The following SCHIP1 variants were observed in gnomAD, a reference collection of about 807,000 sequenced individuals.
The protein encoded by SCHIP1 is schwannomin interacting protein 1, also known as schwannomin-interacting protein 1.
Under a neutral mutation model 29.7 loss-of-function variants are expected in SCHIP1, and 8 were observed. The ratio of observed to expected loss-of-function variants is 0.27; its 90% CI spans 0.16 to 0.49. The LOEUF is 0.49. SCHIP1 is among the 20% of genes least tolerant of loss of function. The pLI is 0.99. For missense variants in SCHIP1, 193 were observed against 294.6 expected (o/e 0.66, Z 2.52); for synonymous variants, 76 against 94.9 (o/e 0.80, Z 1.16).
At chr3:159,809,456 A>C in the SCHIP1 span, among the ~76,000 whole-genome samples, 1 of 152,226 alleles carries the variant, frequency 6.6e-6, no homozygotes, top group Admixed American at 6.5e-5. Context: ...ATACATGTGC[A>C]TTTATAGTAG....
the SCHIP1 span, among the ~76,000 whole-genome samples, chr3:159,618,001 A>G: frequency 1.3e-5 from 2 of 151,854 alleles, no homozygotes; most frequent in African/African-American, 2.4e-5. Flanking sequence ...TGAAAAACAG[A>G]AAAAAAAATT....
the SCHIP1 span, among the ~76,000 whole-genome samples, chr3:159,415,640 T>C: frequency 6.6e-6 from 1 of 152,236 alleles, no homozygotes; most frequent in African/African-American, 2.4e-5. Flanking sequence ...TTTTTATGGC[T>C]GTGTAGTATT....
the SCHIP1 span, among the ~76,000 whole-genome samples, chr3:159,355,454 T>C: frequency 2.0e-5 from 3 of 152,132 alleles, no homozygotes; most frequent in Admixed American, 6.6e-5. Flanking sequence ...TGAGGACATT[T>C]ATCTAAATAT....
At chr3:159,820,056 T>C in the SCHIP1 span, among the ~76,000 whole-genome samples, 1 of 152,188 alleles carries the variant, frequency 6.6e-6, no homozygotes, top group Non-Finnish European at 1.5e-5. Context: ...TGGCAGTTTT[T>C]TGGGGGGATC....
chr3:159,382,676 C>G, the SCHIP1 span, among the ~76,000 whole-genome samples: 1 of 150,684 alleles, frequency 6.6e-6, no homozygotes, highest in South Asian at 2.1e-4. Context: ...CCTGAGGAAT[C>G]GCCACACTGA....
the SCHIP1 span, among the ~76,000 whole-genome samples, chr3:159,411,404 T>C: frequency 6.6e-6 from 1 of 152,244 alleles, no homozygotes; most frequent in South Asian, 2.1e-4. Flanking sequence ...TCCATAAATA[T>C]GTATACCTAC....
the SCHIP1 span, among the ~76,000 whole-genome samples, chr3:159,366,804 C>T: frequency 6.6e-6 from 1 of 152,148 alleles, no homozygotes. Context: ...GGGACAGCAA[C>T]ATTTCAAAAG....
At chr3:159,728,493 G>C in the SCHIP1 span, among the ~76,000 whole-genome samples, 2 of 152,182 alleles carry the variant, frequency 1.3e-5, no homozygotes, top group African/African-American at 4.8e-5. Flanking sequence ...CCATGCCTAA[G>C]TAATGTCTTA....
the SCHIP1 span, among the ~76,000 whole-genome samples, chr3:159,651,956 C>A: frequency 6.6e-6 from 1 of 152,050 alleles, no homozygotes; most frequent in Non-Finnish European, 1.5e-5. Flanking sequence ...ATTAGCCGGG[C>A]ATGGTGGCAC....
At chr3:159,453,409 A>G in the SCHIP1 span, among the ~76,000 whole-genome samples, 5 of 152,168 alleles carry the variant, frequency 3.3e-5, no homozygotes, top group Admixed American at 1.3e-4. Context: ...GTTAAAAACC[A>G]TCACCATCGG....
the SCHIP1 span, among the ~76,000 whole-genome samples, chr3:159,495,871 A>G: frequency 6.6e-6 from 1 of 152,230 alleles, no homozygotes; most frequent in African/African-American, 2.4e-5. Context: ...AGGCTACAGT[A>G]ACCAAACCAG....
chr3:159,335,407 A>G, the SCHIP1 span, among the ~76,000 whole-genome samples: 3 of 152,016 alleles, frequency 2.0e-5, no homozygotes, highest in African/African-American at 7.3e-5. Context: ...TTAGTTACAT[A>G]TGTATACATG....
At chr3:159,286,916 G>T in the SCHIP1 span, among the ~76,000 whole-genome samples, 13 of 152,160 alleles carry the variant, frequency 8.5e-5, no homozygotes, top group African/African-American at 3.1e-4. Context: ...TTTTAATGGG[G>T]TTGTTTTCTG....
At chr3:159,508,461 A>G in the SCHIP1 span, among the ~76,000 whole-genome samples, 2 of 151,900 alleles carry the variant, frequency 1.3e-5, no homozygotes, top group East Asian at 1.9e-4. Flanking sequence ...TGGTGTCTCT[A>G]TTTCCTTCAG....
chr3:159,332,359 C>T, the SCHIP1 span, among the ~76,000 whole-genome samples: 8 of 152,142 alleles, frequency 5.3e-5, no homozygotes, highest in African/African-American at 1.4e-4. Context: ...TGCTCAAGAT[C>T]GCAGACCTAA....
the SCHIP1 span, among the ~76,000 whole-genome samples, chr3:159,494,380 G>A: frequency 6.6e-6 from 1 of 152,088 alleles, no homozygotes; most frequent in African/African-American, 2.4e-5. Flanking sequence ...GAAGAAAAGA[G>A]AGAAGAATCA....
At chr3:159,594,120 T>C in the SCHIP1 span, among the ~76,000 whole-genome samples, 1 of 152,232 alleles carries the variant, frequency 6.6e-6, no homozygotes, top group Non-Finnish European at 1.5e-5. Context: ...ATGCCCAGGA[T>C]GCAGCTGCCT....
At chr3:159,634,103 T>G in the SCHIP1 span, among the ~76,000 whole-genome samples, 2 of 152,068 alleles carry the variant, frequency 1.3e-5, no homozygotes, top group African/African-American at 4.8e-5. Flanking sequence ...TTTCAAGGAT[T>G]TTAGGGGGTA....
chr3:159,392,464 AC>A, the SCHIP1 span, among the ~76,000 whole-genome samples: 1 of 118,300 alleles, frequency 8.5e-6, no homozygotes, highest in East Asian at 2.7e-4. Flanking sequence ...CTCCCCCCTC[AC>A]CCCACCCCAC....
Sources: allele counts gnomAD v4.1 joint callset (sites outside exome capture counted in the v4.1 genomes callset), GRCh38; gene constraint gnomAD v4.1.1; transcripts MANE v1.5; gene names NCBI Gene and HGNC (gene_info 2026-07-23, HGNC 2026-07-21).